SLC39A11: variants seen among roughly 807,000 people sequenced by gnomAD.
The protein encoded by SLC39A11 is zinc transporter ZIP11.
In SLC39A11, 33 loss-of-function variants were observed where a neutral mutation model predicts 36.1. That is an observed-to-expected ratio of 0.91 (90% CI 0.69 to 1.22). SLC39A11 has a LOEUF of 1.22. Ranked by LOEUF, SLC39A11 falls within the 50% of genes most tolerant of loss-of-function variation. The probability of loss-of-function intolerance (pLI) is 0.00; values close to 1 mark genes in which losing one functional copy is unlikely to be tolerated. For missense variants in SLC39A11, 432 were observed against 430.3 expected, an observed-to-expected ratio of 1.00 and a Z score of -0.03; for synonymous variants, 166 against 170.3, an observed-to-expected ratio of 0.97 and a Z score of 0.20.
At position 72,929,363 on chromosome 17, in the gene SLC39A11, G is replaced by A. The variant is rs551927459; in HGVS notation, c.430+18389C>T. The stretch of plus-strand genomic sequence containing the variant: ...TGGCTACCCCATAAAGAACTGGCCC[G>A]CCCCAAATGCCAATAACCCAATAGT... On this transcript the variant is annotated intron_variant, in intron 5 of 9. Transcript: ENST00000255559. 4.5e-4 allele frequency among the ~76,000 whole-genome samples: 69 copies of A among 152,232 alleles called. 1 individual carries two copies. Among genetic ancestry groups the A allele is most frequent in the Admixed American group, 3.9e-4 (6 of 15,290 alleles).
intron 6 of SLC39A11, among the ~76,000 whole-genome samples, chr17:72,776,421 C>T (rs184052435): frequency 1.7e-4 from 26 of 152,096 alleles, no homozygotes; most frequent in Admixed American, 1.6e-3. Context: ...TTTTGCAATG[C>T]TTGACTTTAT....
At chr17:73,000,291 G>T (rs2089746849) in intron 4 of SLC39A11, among the ~76,000 whole-genome samples, 1 of 132,718 alleles carries the variant, frequency 7.5e-6, no homozygotes, top group Non-Finnish European at 1.5e-5. Context: ...CTCTCTCTCT[G>T]CCTTCTCTCT....
chr17:72,761,785 C>T (rs2075587045), intron 6 of SLC39A11, among the ~76,000 whole-genome samples: 1 of 152,088 alleles, frequency 6.6e-6, no homozygotes, highest in Non-Finnish European at 1.5e-5. Context: ...TATTTATGGG[C>T]CAATTGCAAT....
At chr17:72,674,425 G>A (rs1297189824) in intron 7 of SLC39A11, among the ~76,000 whole-genome samples, 1 of 152,118 alleles carries the variant, frequency 6.6e-6, no homozygotes, top group Admixed American at 6.5e-5. Context: ...CTACACTATA[G>A]CTTACTCATC....
At chr17:72,748,205 C>T (rs749270981) in intron 6 of SLC39A11, among the ~76,000 whole-genome samples, 18 of 151,904 alleles carry the variant, frequency 1.2e-4, no homozygotes, top group Non-Finnish European at 2.9e-5. Context: ...GCCTGTAGTC[C>T]CAGCTACTTG....
intron 6 of SLC39A11, among the ~76,000 whole-genome samples, chr17:72,772,706 A>T (rs1030253248): frequency 1.3e-5 from 2 of 152,248 alleles, no homozygotes; most frequent in Admixed American, 6.5e-5. Context: ...TGTGTGATAA[A>T]TAAGTGCTGA....
intron 6 of SLC39A11, among the ~76,000 whole-genome samples, chr17:72,762,720 G>C (rs1295039468): frequency 6.6e-6 from 1 of 152,076 alleles, no homozygotes; most frequent in Non-Finnish European, 1.5e-5. Flanking sequence ...GTAACATCAG[G>C]GTTCCCTCAT....
chr17:73,062,504 T>A (rs1489328823), intron 3 of SLC39A11, among the ~76,000 whole-genome samples: 1 of 141,398 alleles, frequency 7.1e-6, no homozygotes, highest in East Asian at 2.4e-4. Flanking sequence ...TTCTGCTACC[T>A]GATAGGCCAT....
At chr17:72,659,247 G>A (rs1373277754) in intron 7 of SLC39A11, among the ~76,000 whole-genome samples, 2 of 152,148 alleles carry the variant, frequency 1.3e-5, no homozygotes, top group African/African-American at 2.4e-5. Context: ...AGCACAGCAC[G>A]GGACTTGCTA....
intron 6 of SLC39A11, among the ~76,000 whole-genome samples, chr17:72,786,226 T>C (rs948417475): frequency 5.3e-5 from 8 of 152,174 alleles, no homozygotes; most frequent in Non-Finnish European, 7.4e-5. Context: ...CACAAACATA[T>C]GGAAAACTTC....
chr17:72,704,541 G>T (rs959795160), intron 7 of SLC39A11, among the ~76,000 whole-genome samples: 1 of 152,126 alleles, frequency 6.6e-6, no homozygotes, highest in African/African-American at 2.4e-5. Context: ...CTTTTCAGTG[G>T]GTCCTGCAAG....
chr17:72,916,197 G>C (rs962255908), intron 5 of SLC39A11, among the ~76,000 whole-genome samples: 1 of 150,160 alleles, frequency 6.7e-6, no homozygotes. Context: ...TGAAATGCGC[G>C]CACACACAGG....
chr17:72,662,514 GAGA>G (rs2070484925), intron 7 of SLC39A11, among the ~76,000 whole-genome samples: 1 of 120,636 alleles, frequency 8.3e-6, no homozygotes, highest in Non-Finnish European at 1.7e-5. Context: ...AGGGAAGAAA[GAGA>G]AGAAAGAGAA....
chr17:72,830,768 T>C (rs1012348411), intron 6 of SLC39A11, among the ~76,000 whole-genome samples: 2 of 152,096 alleles, frequency 1.3e-5, no homozygotes, highest in Non-Finnish European at 2.9e-5. Flanking sequence ...TCAAACCCCA[T>C]GCATACCCTG....
chr17:72,886,247 A>G lies in SLC39A11; in HGVS notation c.431-36443T>C, dbSNP rs551880487. On this transcript the variant is annotated intron_variant, in intron 5 of 9. Transcript: ENST00000255559. ...CTCAACCAATCTCATGACTTTCGTC[A>G]TTCCCAAATTTATATCTCCAACCCC... 2.0e-4 allele frequency among the ~76,000 whole-genome samples: 30 copies of G among 152,288 alleles called. No homozygotes were observed. The South Asian group carries it at 6.2e-3, about 32-fold the overall frequency.
chr17:73,019,918 T>A (rs1298663041), intron 4 of SLC39A11, among the ~76,000 whole-genome samples: 1 of 152,150 alleles, frequency 6.6e-6, no homozygotes, highest in African/African-American at 2.4e-5. Context: ...GAAGAAGATA[T>A]ACCAAGGAAA....
At chr17:72,744,999 G>T (rs542446267) in intron 6 of SLC39A11, among the ~76,000 whole-genome samples, 3 of 152,204 alleles carry the variant, frequency 2.0e-5, no homozygotes, top group Non-Finnish European at 2.9e-5. Flanking sequence ...GCACCACCAG[G>T]CCTGGCTAAT....
chr17:72,850,064 C>T (rs754132390), intron 5 of SLC39A11, among the ~76,000 whole-genome samples: 13 of 152,114 alleles, frequency 8.5e-5, no homozygotes, highest in Non-Finnish European at 1.8e-4. Context: ...AAAGGACCCA[C>T]GTCACAATTG....
intron 5 of SLC39A11, among the ~76,000 whole-genome samples, chr17:72,933,087 A>G (rs1299397136): frequency 1.3e-5 from 2 of 152,232 alleles, no homozygotes; most frequent in Non-Finnish European, 2.9e-5. Flanking sequence ...AGTCTTAGCC[A>G]GTACAATCAG....
Sources: gnomAD v4.1 joint callset for allele counts (sites outside exome capture counted in the v4.1 genomes callset) on GRCh38, gnomAD v4.1.1 for gene constraint, MANE v1.5 for transcripts, NCBI Gene and HGNC (gene_info 2026-07-23, HGNC 2026-07-21) for gene names.